DPYSL4: variants seen among roughly 807,000 people sequenced by gnomAD.
DPYSL4 encodes the protein dihydropyrimidinase like 4.
Under a neutral mutation model 63.4 loss-of-function variants are expected in DPYSL4, and 43 were observed. The ratio of observed to expected loss-of-function variants is 0.68; its 90% confidence interval spans 0.53 to 0.88. DPYSL4 has a LOEUF of 0.88. Ranked by LOEUF, DPYSL4 falls within the 40% of genes least tolerant of loss-of-function variation. The pLI is 0.00. For missense variants in DPYSL4, 733 were observed against 819.5 expected, an observed-to-expected ratio of 0.89 and a Z score of 1.29; for synonymous variants, 353 against 331.7, an observed-to-expected ratio of 1.06 and a Z score of -0.70.
rs1293927725 is a variant in DPYSL4 at position 132,202,681 on chromosome 10, C to T, written c.1317C>T (p.Cys439=). ...VEYNIFEGVE[C]RGAPAVVISQ... ...ACAACATCTTCGAGGGAGTGGAGTG[C>T]CGGGGAGCGCCTGCCGTGGTCATAA... The change falls in exon 12 of 14, where the codon TGC becomes TGT. Residue 439 remains cysteine (C), a synonymous_variant. Transcript: ENST00000338492. 6.2e-7 allele frequency: 1 copy of T among 1,612,892 alleles called. No homozygotes were observed.
At chr10:132,187,450 T>G (rs2061817570) in intron 1 of DPYSL4, among the ~76,000 whole-genome samples, 1 of 151,776 alleles carries the variant, frequency 6.6e-6, no homozygotes, top group South Asian at 2.1e-4. Context: ...CCGGGCGGCC[T>G]GTCCCTCGGA....
intron 5 of DPYSL4, 27 bp downstream of exon 5, chr10:132,196,949 G>A: frequency 1.2e-6 from 2 of 1,613,596 alleles, no homozygotes; most frequent in Non-Finnish European, 1.7e-6. Flanking sequence ...GGAACGGAGT[G>A]GGCAGGTATA....
chr10:132,200,395 G>A lies in DPYSL4; in HGVS notation c.851G>A (p.Gly284Asp), dbSNP rs2061997704. The change falls in exon 9 of 14, where the codon GGC (glycine) becomes GAC (aspartate). Residue 284 changes from glycine to aspartate, a missense_variant. Coordinates refer to ENST00000338492, the MANE Select transcript of DPYSL4 (RefSeq NM_006426.3). The part of the protein sequence containing the change: ...VFGEPITASL[G>D]TDGSHYWSKN... ...GGGGAGCCCATCACCGCCAGCCTGG[G>A]CACCGACGGTTCACACTACTGGAGC... The A allele has an allele frequency of 1.2e-6, 2 of 1,613,472 alleles. No individual in the cohort carries two copies. The highest frequency in any genetic ancestry group is 8.5e-7 in the Non-Finnish European group (1 of 1,179,908).
intron 10 of DPYSL4, 106 bp from the exon 11 acceptor site, chr10:132,201,840 A>T (rs1172358178): frequency 8.1e-7 from 1 of 1,237,986 alleles, no homozygotes; most frequent in African/African-American, 1.5e-5. Context: ...GGGCCTGGTG[A>T]CCTGGCATCC....
At position 132,191,634 on chromosome 10, in the gene DPYSL4, C is replaced by G. The variant is rs565176203; in HGVS notation, c.128+799C>G. Among the ~76,000 whole-genome samples, 66 of 48,772 alleles carry G rather than the reference C, an allele frequency of 1.4e-3. 8 individuals are homozygous for G. The highest frequency in any genetic ancestry group is 2.0e-3 in the Non-Finnish European group (47 of 23,504). 32.0% of individuals were successfully genotyped at this position (48,772 alleles called of 152,430 possible). A position where few individuals can be genotyped will look rare whatever the true frequency, so the allele number is the denominator to read the frequency against. ...ATCCAGGCAGGTGAAAGTATGTTCC[C>G]AGCTCGTGTGTACACGCTGGTCACG... is the stretch of plus-strand genomic sequence containing the variant. On this transcript the variant is annotated intron_variant, in intron 2 of 13. Transcript: ENST00000338492.
intron 3 of DPYSL4, 57 bp downstream of exon 3, chr10:132,192,899 T>G: frequency 6.6e-7 from 1 of 1,521,472 alleles, no homozygotes; most frequent in Non-Finnish European, 8.8e-7. Flanking sequence ...TGCCCCTCTC[T>G]CTGGCCAGGT....
chr10:132,188,031 G>A (rs1277553672), intron 1 of DPYSL4, among the ~76,000 whole-genome samples: 2 of 152,158 alleles, frequency 1.3e-5, no homozygotes, highest in Admixed American at 1.3e-4. Context: ...GACTCTGAGC[G>A]AGGAAGGAGC....
In DPYSL4 at chr10:132,186,975, A is replaced by G. The variant is rs530905968; in HGVS notation, c.-89A>G. The G allele has an allele frequency of 9.4e-4, 579 of 613,368 alleles. 5 individuals are homozygous for G. The African/African-American group carries it at 0.01, about 11-fold the overall frequency. 38.0% of individuals were successfully genotyped at this position (613,368 alleles called of 1,614,324 possible). ...AGTCTGTCTCCCGCCGTCCCCACGCACGCGTCCCGGCTCACGCGTCCCCCC... is the reference window on the plus strand; with the variant it reads ...AGTCTGTCTCCCGCCGTCCCCACGCGCGCGTCCCGGCTCACGCGTCCCCCC... On this transcript the variant is annotated 5_prime_UTR_variant, in exon 1 of 14. Transcript: ENST00000338492.
At chr10:132,203,343 G>T (rs575106349) in intron 12 of DPYSL4, among the ~76,000 whole-genome samples, 4 of 152,240 alleles carry the variant, frequency 2.6e-5, no homozygotes, top group African/African-American at 9.6e-5. Context: ...GGCATCATCC[G>T]TGTCTGACGG....
chr10:132,201,185 CAG>C (rs1358523811), intron 10 of DPYSL4, among the ~76,000 whole-genome samples: 3 of 152,174 alleles, frequency 2.0e-5, no homozygotes, highest in Admixed American at 6.5e-5. Flanking sequence ...CCAACAGCAA[CAG>C]GGGCAGCTGG....
chr10:132,187,359 G>GGGCCCTGCCCGGCCCGGCCCTGCCC (rs1565035151), intron 1 of DPYSL4, among the ~76,000 whole-genome samples: 4 of 28,660 alleles, frequency 1.4e-4, no homozygotes, highest in African/African-American at 4.8e-4. Context: ...CGGCCCTGCC[G>GGGCCCTGCCCGGCCCGGCCCTGCCC]GGCCCTGCCG....
chr10:132,203,419 C>T (rs571704145), intron 12 of DPYSL4: 10 of 323,684 alleles, frequency 3.1e-5, no homozygotes, highest in South Asian at 7.8e-5. Flanking sequence ...CTCGCAGTGG[C>T]GTCTGTGCAC....
At chr10:132,197,459 C>T (rs1182694873) in intron 6 of DPYSL4, among the ~76,000 whole-genome samples, 1 of 152,240 alleles carries the variant, frequency 6.6e-6, no homozygotes, top group Non-Finnish European at 1.5e-5. Context: ...GCCAAGGGCA[C>T]CCATGTTGAC....
intron 10 of DPYSL4, among the ~76,000 whole-genome samples, chr10:132,201,611 C>T (rs1489957585): frequency 6.6e-6 from 1 of 152,246 alleles, no homozygotes; most frequent in Non-Finnish European, 1.5e-5. Flanking sequence ...CCAGGGGTTA[C>T]TCAGGCGTTC....
At position 132,198,457 on chromosome 10, in the gene DPYSL4, G is replaced by A; in HGVS notation, c.664G>A (p.Gly222Ser). The A allele has an allele frequency of 6.2e-7, 1 of 1,606,490 alleles. No homozygotes were observed. Among genetic ancestry groups the A allele is most frequent in the South Asian group, 1.1e-5 (1 of 89,782 alleles). ...LLELGITGPE[G>S]HVLSHPEEVE... The stretch of plus-strand genomic sequence containing the variant: ...GGAGCTCGGCATCACTGGCCCCGAG[G>A]GCCACGTGCTCAGCCACCCCGAGGA... Residue 222 changes from glycine (G) to serine (S), a missense_variant, in exon 7 of 14, where the codon GGC (glycine) becomes AGC (serine). By Grantham distance (56) the Gly-to-Ser change is moderately conservative. Coordinates refer to ENST00000338492, the MANE Select transcript of DPYSL4 (RefSeq NM_006426.3).
chr10:132,190,116 G>A (rs2061853982), intron 1 of DPYSL4, among the ~76,000 whole-genome samples: 1 of 152,252 alleles, frequency 6.6e-6, no homozygotes, highest in African/African-American at 2.4e-5. Context: ...TCATGGCCCT[G>A]CCATGGCGCC....
At chr10:132,203,681 C>T (rs552244699) in intron 12 of DPYSL4, 81 bp from the exon 13 acceptor site, 28 of 1,272,894 alleles carry the variant, frequency 2.2e-5, no homozygotes, top group Admixed American at 2.0e-4. Context: ...CCATGCTCAG[C>T]CCCTCATGCC....
At chr10:132,195,911 G>A (rs962474820) in intron 4 of DPYSL4, among the ~76,000 whole-genome samples, 4 of 152,204 alleles carry the variant, frequency 2.6e-5, no homozygotes, top group African/African-American at 9.6e-5. Context: ...GCAGTGCTGG[G>A]GCCTCTGCTC....
chr10:132,199,814 G>A (rs1272977910), intron 8 of DPYSL4, among the ~76,000 whole-genome samples: 1 of 152,032 alleles, frequency 6.6e-6, no homozygotes, highest in East Asian at 1.9e-4. Flanking sequence ...GGGGTCTGCA[G>A]GGGTGAGGCC....
Sources: allele counts gnomAD v4.1 joint callset (sites outside exome capture counted in the v4.1 genomes callset), GRCh38; gene constraint gnomAD v4.1.1; transcripts MANE v1.5; gene names NCBI Gene and HGNC (gene_info 2026-07-23, HGNC 2026-07-21).